Variants in ZNF398 observed in about 807,000 individuals in gnomAD.
ZNF398 encodes the protein zinc finger DNA binding protein ZER6.
In ZNF398, 18 loss-of-function variants were observed where a neutral mutation model predicts 41.9. The ratio of observed to expected loss-of-function variants is 0.43; its 90% CI spans 0.30 to 0.64. The LOEUF is 0.64. Ranked by LOEUF, ZNF398 falls within the 30% of genes least tolerant of loss-of-function variation. ZNF398 has a pLI of 0.14. For missense variants in ZNF398, 669 were observed against 822.8 expected, an observed-to-expected ratio of 0.81 and a Z score of 2.29; for synonymous variants, 260 against 308.8, an observed-to-expected ratio of 0.84 and a Z score of 1.66.
chr7:149,126,484 T>C, exon 1 of ZNF398: 1 of 546,290 alleles, frequency 1.8e-6, no homozygotes, highest in African/African-American at 2.0e-5. Context: ...TGAGGGACCC[T>C]TGGACTCCCG....
At chr7:149,144,561 G>A (rs1057124077), upstream of ZNF398, among the ~76,000 whole-genome samples, 12 of 151,760 alleles carry the variant, frequency 7.9e-5, no homozygotes, top group Non-Finnish European at 1.5e-4. Flanking sequence ...TACCCACCTC[G>A]GCCTCCCACT....
chr7:149,138,346 G>A (rs1035673777), intron 2 of ZNF398, among the ~76,000 whole-genome samples: 2 of 152,132 alleles, frequency 1.3e-5, no homozygotes, highest in East Asian at 1.9e-4. Flanking sequence ...TTGGGAGGCC[G>A]AGGTGGGTGG....
rs1399041318 is a variant in ZNF398, at chr7:149,165,516, G to A, written c.421-642G>A. Reference sequence around the variant, plus strand: ...GAGAAGAAATGGAAACAGAAAATTGGGTTTTAAATAGACAAAATGTTCCAT... The same window carrying A: ...GAGAAGAAATGGAAACAGAAAATTGAGTTTTAAATAGACAAAATGTTCCAT... On this transcript the variant is annotated intron_variant, in intron 2 of 5. Coordinates refer to ENST00000475153, the MANE Select transcript of ZNF398 (RefSeq NM_170686.3). Among the ~76,000 whole-genome samples, 6 of 152,062 alleles carry A rather than the reference G, an allele frequency of 3.9e-5. No individual in the cohort carries two copies. The South Asian group carries it at 1.0e-3, about 26-fold the overall frequency.
chr7:149,133,219 G>A (rs1048272632), intron 2 of ZNF398, among the ~76,000 whole-genome samples: 4 of 151,766 alleles, frequency 2.6e-5, no homozygotes, highest in Admixed American at 1.3e-4. Flanking sequence ...TGGTTCAGGC[G>A]ATTCTCCTGC....
intron 1 of ZNF398, among the ~76,000 whole-genome samples, chr7:149,152,529 G>A (rs929288907): frequency 5.3e-5 from 8 of 150,814 alleles, no homozygotes; most frequent in African/African-American, 2.0e-4. Flanking sequence ...AAAGTGTTAG[G>A]ATTGCAGGCG....
chr7:149,134,945 G>T (rs1453366213), intron 2 of ZNF398, among the ~76,000 whole-genome samples: 19 of 152,060 alleles, frequency 1.2e-4, no homozygotes, highest in Admixed American at 1.2e-3. Context: ...TGGCCAGGCT[G>T]GTCTGGAATC....
At chr7:149,150,303 AAT>A (rs1827080043) in intron 1 of ZNF398, among the ~76,000 whole-genome samples, 1 of 152,160 alleles carries the variant, frequency 6.6e-6, no homozygotes, top group African/African-American at 2.4e-5. Context: ...ATTTGTTAAA[AAT>A]ACAAAATCTC....
chr7:149,142,900 G>C (rs190813416), upstream of ZNF398, among the ~76,000 whole-genome samples: 21 of 152,230 alleles, frequency 1.4e-4, no homozygotes, highest in Admixed American at 1.0e-3. Context: ...ATACAGTAAA[G>C]GCTATGAGCA....
Position 149,157,928 on chromosome 7 carries a change from C to T in ZNF398, c.420+3588C>T, listed in dbSNP as rs184660313. ...TAAGAAGGAAAGGCTGGGCCAGCGC[C>T]GTGGCTCATGGTGGCAGGCGCCTGT... On this transcript the variant is annotated intron_variant, in intron 2 of 5. Coordinates refer to ENST00000475153, the MANE Select transcript of ZNF398 (RefSeq NM_170686.3). Among the ~76,000 whole-genome samples the T allele has an allele frequency of 4.0e-4, 60 of 150,972 alleles. 1 individual carries two copies. The South Asian group carries it at 7.3e-3, about 18-fold the overall frequency.
At chr7:149,136,223 G>A (rs954931569) in intron 2 of ZNF398, among the ~76,000 whole-genome samples, 4 of 152,062 alleles carry the variant, frequency 2.6e-5, no homozygotes, top group African/African-American at 9.7e-5. Context: ...AACTTGGGGA[G>A]GGCGTAAAAA....
At chr7:149,175,859 T>A (rs6964285) in intron 4 of ZNF398, among the ~76,000 whole-genome samples, 1 of 152,206 alleles carries the variant, frequency 6.6e-6, no homozygotes, top group Admixed American at 6.5e-5. Flanking sequence ...TAATTTTTTT[T>A]ATTTTTAGTA....
intron 2 of ZNF398, among the ~76,000 whole-genome samples, chr7:149,139,033 C>G (rs927204667): frequency 6.6e-6 from 1 of 151,928 alleles, no homozygotes; most frequent in Non-Finnish European, 1.5e-5. Flanking sequence ...GCCTCAGCCT[C>G]CAGAGTAGCT....
At chr7:149,127,898 A>C (rs1385595532) in intron 1 of ZNF398, among the ~76,000 whole-genome samples, 1 of 151,816 alleles carries the variant, frequency 6.6e-6, no homozygotes, top group Non-Finnish European at 1.5e-5. Context: ...CTTTATGGTC[A>C]CTCCCTCCGA....
At chr7:149,141,622 T>A (rs1223856573) in intron 2 of ZNF398, among the ~76,000 whole-genome samples, 1 of 152,008 alleles carries the variant, frequency 6.6e-6, no homozygotes, top group Non-Finnish European at 1.5e-5. Context: ...GCCTGGCTAA[T>A]TTTTTGTATT....
At chr7:149,177,265 G>A (rs1181732035) in intron 5 of ZNF398, among the ~76,000 whole-genome samples, 1 of 152,122 alleles carries the variant, frequency 6.6e-6, no homozygotes, top group Non-Finnish European at 1.5e-5. Flanking sequence ...AAGGATGAGT[G>A]GGGTGGACGA....
intron 2 of ZNF398, among the ~76,000 whole-genome samples, chr7:149,161,826 G>A (rs1795110401): frequency 6.7e-6 from 1 of 150,022 alleles, no homozygotes; most frequent in African/African-American, 2.5e-5. Context: ...AAAAAAAAGG[G>A]GAATTGTTAA....
rs1369233896 is a variant in ZNF398 at position 149,154,187 on chromosome 7, G to T, written c.267G>T (p.Gly89=). The T allele has an allele frequency of 4.3e-6, 7 of 1,614,052 alleles. No individual in the cohort carries two copies. Among genetic ancestry groups the T allele is most frequent in the South Asian group, 1.1e-5 (1 of 91,080 alleles). ...GTGAAAAGACAGTTACCGAGCTTGG[G>T]AACCAGCTGGAGGGCAAGTGGGCCG... ...ASCEKTVTEL[G]NQLEGKWAVL... is the part of the protein sequence containing the mutation. The change falls in exon 2 of 6, where the codon GGG becomes GGT. Residue 89 remains glycine, a synonymous_variant. Coordinates refer to ENST00000475153, the MANE Select transcript of ZNF398 (RefSeq NM_170686.3).
chr7:149,176,752 GAAGT>G (rs1482504241), intron 5 of ZNF398, among the ~76,000 whole-genome samples, 171 bp downstream of exon 5: 15 of 152,332 alleles, frequency 9.8e-5, no homozygotes, highest in African/African-American at 3.6e-4. Context: ...AGATAAATTT[GAAGT>G]GAGTGAGAAA....
chr7:149,154,186 G>A lies in ZNF398; in HGVS notation c.266G>A (p.Gly89Glu). The A allele has an allele frequency of 6.2e-7, 1 of 1,614,162 alleles. No individual in the cohort carries two copies. The highest frequency in any genetic ancestry group is 2.2e-5 in the East Asian group (1 of 44,888). The change falls in exon 2 of 6, where the codon GGG becomes GAG. Residue 89 changes from glycine (G) to glutamate (E), a missense_variant. Physicochemically the swap from Gly to Glu is moderately conservative, Grantham distance 98 (BLOSUM62 -2). Coordinates refer to ENST00000475153, the MANE Select transcript of ZNF398 (RefSeq NM_170686.3). ...TGTGAAAAGACAGTTACCGAGCTTG[G>A]GAACCAGCTGGAGGGCAAGTGGGCC... ...ASCEKTVTELGNQLEGKWAVL... is the reference protein window; with the variant it reads ...ASCEKTVTELENQLEGKWAVL...
Sources: allele counts gnomAD v4.1 joint callset (sites outside exome capture counted in the v4.1 genomes callset), GRCh38; gene constraint gnomAD v4.1.1; transcripts MANE v1.5; gene names NCBI Gene and HGNC (gene_info 2026-07-23, HGNC 2026-07-21).